The following TCF20 variants were observed in gnomAD, a reference collection of about 807,000 sequenced individuals.
TCF20 encodes the protein SPRE-binding protein.
Under a neutral mutation model 148.6 loss-of-function variants are expected in TCF20, and 3 were observed. The observed-to-expected ratio is 0.02, with a 90% CI of 0.01 to 0.05. The LOEUF is 0.05. Ranked by LOEUF, TCF20 falls within the 10% of genes least tolerant of loss-of-function variation. TCF20 has a pLI of 1.00. For synonymous variants in TCF20, 1,049 were observed against 909.5 expected, an observed-to-expected ratio of 1.15 and a Z score of -2.76; for missense variants, 2,350 against 2,429.3, an observed-to-expected ratio of 0.97 and a Z score of 0.69.
rs1298869451 is a variant in TCF20 at position 42,317,540 on chromosome 22, A to G, written c.-37+25939T>C. ...CACTACCTGGTACATGGGCAAAGAA[A>G]AATACCCCCATCTCACCAAGGTGGA... On this transcript the variant is annotated intron_variant, in intron 1 of 1. Coordinates refer to the TCF20 transcript ENST00000515426. This position sits in a 1 kb window ranked among gnomAD's most constrained non-coding sequence, Gnocchi z 4.2. Among the ~76,000 whole-genome samples the G allele has an allele frequency of 6.6e-6, 1 of 152,136 alleles. No individual in the cohort carries two copies. Among genetic ancestry groups the G allele is most frequent in the African/African-American group, 2.4e-5 (1 of 41,428 alleles).
intron 1 of TCF20, among the ~76,000 whole-genome samples, chr22:42,333,135 C>A (rs1163652725): frequency 6.6e-6 from 1 of 152,290 alleles, no homozygotes. Context: ...TGGCAAAATG[C>A]AATGGCAGGA....
chr22:42,213,557 T>C lies in TCF20; in HGVS notation c.1749A>G (p.Ser583=). The C allele has an allele frequency of 6.2e-7, 1 of 1,614,204 alleles. No homozygotes were observed. The highest frequency in any genetic ancestry group is 1.1e-5 in the South Asian group (1 of 91,084). ...ACAATGGCATGTCCTTAGCGCCTGGTGAGGTGGCCTCTTCTCTTGCGGCAG... is the reference window on the plus strand; with the variant it reads ...ACAATGGCATGTCCTTAGCGCCTGGCGAGGTGGCCTCTTCTCTTGCGGCAG... The part of the protein sequence containing the change: ...ASPAAREEAT[S]PGAKDMPLSS... The change falls in exon 2 of 6, where the codon TCA becomes TCG. Residue 583 remains serine (S), a synonymous_variant. Transcript: ENST00000677622.
chr22:42,285,651 T>C (rs1341682273), upstream of TCF20, among the ~76,000 whole-genome samples: 2 of 152,130 alleles, frequency 1.3e-5, no homozygotes, highest in African/African-American at 4.8e-5. The surrounding 1 kb of genome is among the most constrained non-coding windows in gnomAD (Gnocchi z 4.2). Context: ...TTTTATTTTT[T>C]TTGTAGGGAT....
At chr22:42,170,626 C>CA (rs58579686) in intron 3 of TCF20, among the ~76,000 whole-genome samples, 5,401 of 71,878 alleles carry the variant, frequency 0.075, 1,049 homozygotes, top group Non-Finnish European at 0.088. Context: ...GACTCCGTCT[C>CA]AAAAAAAAAA....
intron 1 of TCF20, among the ~76,000 whole-genome samples, chr22:42,293,044 C>A (rs1305666048): frequency 6.6e-6 from 1 of 152,042 alleles, no homozygotes; most frequent in Non-Finnish European, 1.5e-5. Flanking sequence ...ATACAAAGCC[C>A]CGGGGCCAGC....
rs553643466 is a variant in TCF20, at chr22:42,223,257, T to C, written c.-36-7916A>G. Among the ~76,000 whole-genome samples, 6 of 152,314 alleles carry C rather than the reference T, an allele frequency of 3.9e-5. No homozygotes were observed. The South Asian group carries it at 1.2e-3, about 32-fold the overall frequency. The stretch of plus-strand genomic sequence containing the variant: ...GAATGAGGGGGAAAAATTAATGTAA[T>C]TTTTTCCAAAAGTCCAAATTTTCCA... On this transcript the variant is annotated intron_variant, in intron 1 of 5. Coordinates refer to ENST00000677622, the MANE Select transcript of TCF20 (RefSeq NM_001378418.1).
chr22:42,188,750 ATCTTT>A (rs764524501), intron 2 of TCF20, among the ~76,000 whole-genome samples: 2 of 152,174 alleles, frequency 1.3e-5, no homozygotes, highest in African/African-American at 2.4e-5. Context: ...AAGTATAATA[ATCTTT>A]TCTTTTTATT....
chr22:42,308,752 G>A (rs1338086888), intron 1 of TCF20, among the ~76,000 whole-genome samples: 7 of 152,122 alleles, frequency 4.6e-5, no homozygotes. Flanking sequence ...GGACAGGGGA[G>A]GGAGATCCTC....
At chr22:42,170,626 C>CAAACAAAAAAAAAA (rs1936073137) in intron 3 of TCF20, among the ~76,000 whole-genome samples, 1 of 72,100 alleles carries the variant, frequency 1.4e-5, no homozygotes, top group Non-Finnish European at 2.5e-5. Context: ...GACTCCGTCT[C>CAAACAAAAAAAAAA]AAAAAAAAAA....
chr22:42,237,571 G>T (rs527361909), intron 1 of TCF20, among the ~76,000 whole-genome samples: 2 of 152,142 alleles, frequency 1.3e-5, no homozygotes, highest in Admixed American at 6.5e-5. Flanking sequence ...AATCCTTTCC[G>T]AAAGGTTTTC....
chr22:42,272,760 G>A (rs1395800310), upstream of TCF20, among the ~76,000 whole-genome samples: 5 of 152,218 alleles, frequency 3.3e-5, no homozygotes, highest in African/African-American at 9.6e-5. Context: ...GAAAAAGAAC[G>A]TGTATGGGCA....
chr22:42,217,186 T>C (rs776834278), intron 1 of TCF20, among the ~76,000 whole-genome samples: 99 of 152,164 alleles, frequency 6.5e-4, no homozygotes, highest in Non-Finnish European at 1.2e-3. Context: ...TCCCACCCCC[T>C]TGACCTCTCT....
At chr22:42,226,414 ATT>A (rs1922898585) in intron 1 of TCF20, among the ~76,000 whole-genome samples, 1 of 152,188 alleles carries the variant, frequency 6.6e-6, no homozygotes, top group Non-Finnish European at 1.5e-5. Flanking sequence ...TTCAAATATA[ATT>A]TTGAGGCCGG....
intron 1 of TCF20, among the ~76,000 whole-genome samples, chr22:42,314,198 G>T (rs889181125): frequency 6.6e-6 from 1 of 152,250 alleles, no homozygotes; most frequent in African/African-American, 2.4e-5. Flanking sequence ...AGGACCTGAA[G>T]ATAAACTTGG....
chr22:42,208,545 G>A (rs1412124037), intron 2 of TCF20, among the ~76,000 whole-genome samples: 1 of 152,162 alleles, frequency 6.6e-6, no homozygotes, highest in African/African-American at 2.4e-5. Flanking sequence ...CGAGAATGCA[G>A]TAAGCTGTGA....
rs559906324 is a variant in TCF20 at position 42,291,273 on chromosome 22, C to T, written c.-37+52206G>A. 1.6e-4 allele frequency among the ~76,000 whole-genome samples: 25 copies of T among 152,344 alleles called. No homozygotes were observed. In the South Asian group the frequency reaches 4.1e-3, roughly 25 times the overall value. ...TCTGGTGGAAAGGAAAGTAAGTAAACCAATGACCGCGGTCCAGCCTGAGCC... is the reference window on the plus strand; with the variant it reads ...TCTGGTGGAAAGGAAAGTAAGTAAATCAATGACCGCGGTCCAGCCTGAGCC... On this transcript the variant is annotated intron_variant, in intron 1 of 1. Coordinates refer to the TCF20 transcript ENST00000515426.
intron 1 of TCF20, among the ~76,000 whole-genome samples, chr22:42,335,679 C>T (rs1292023380): frequency 6.6e-6 from 1 of 152,120 alleles, no homozygotes; most frequent in Admixed American, 6.6e-5. Context: ...GGGGCAGAGA[C>T]CTGAGGGCAA....
At chr22:42,174,425 A>AAC (rs1221391256) in intron 3 of TCF20, among the ~76,000 whole-genome samples, 2 of 152,154 alleles carry the variant, frequency 1.3e-5, no homozygotes, top group Non-Finnish European at 2.9e-5. Flanking sequence ...GCCCTTGCTG[A>AAC]AGTGTGCTCG....
chr22:42,240,959 G>A (rs117206004), intron 1 of TCF20, among the ~76,000 whole-genome samples: 1,688 of 151,890 alleles, frequency 0.011, 15 homozygotes, highest in Non-Finnish European at 0.019. Flanking sequence ...GGGTTCATAC[G>A]ACTCTCCTGC....
Sources: gnomAD v4.1 joint callset for allele counts (sites outside exome capture counted in the v4.1 genomes callset) on GRCh38, gnomAD v4.1.1 for gene constraint, Gnocchi (gnomAD v3.1) non-coding constraint, MANE v1.5 for transcripts, NCBI Gene and HGNC (gene_info 2026-07-23, HGNC 2026-07-21) for gene names.